Variants in PRKCZ observed in about 807,000 individuals in gnomAD.
PRKCZ encodes protein kinase C zeta.
Under a neutral mutation model 79.5 loss-of-function variants are expected in PRKCZ, and 33 were observed. The ratio of observed to expected loss-of-function variants is 0.41; its 90% CI spans 0.31 to 0.55. The LOEUF (loss-of-function observed/expected upper bound fraction) is 0.55. Among genes scored for constraint, PRKCZ ranks in the 20% least tolerant of loss-of-function variants. The pLI is 0.19. For missense variants in PRKCZ, 578 were observed against 813.5 expected, an observed-to-expected ratio of 0.71 and a Z score of 3.52; for synonymous variants, 342 against 320.9, an observed-to-expected ratio of 1.07 and a Z score of -0.70.
At chr1:2,138,869 G>A (rs1676754280) in intron 5 of PRKCZ, among the ~76,000 whole-genome samples, 1 of 152,186 alleles carries the variant, frequency 6.6e-6, no homozygotes, top group South Asian at 2.1e-4. Flanking sequence ...AGGAGGCGGG[G>A]GTTGCGGTGA....
intron 4 of PRKCZ, among the ~76,000 whole-genome samples, chr1:2,070,634 G>C (rs1035966870): frequency 2.0e-5 from 3 of 152,078 alleles, no homozygotes; most frequent in African/African-American, 7.2e-5. Context: ...CTCCCGGGCC[G>C]GTGGTCCTGG....
At position 2,124,357 on chromosome 1, in the gene PRKCZ, G is replaced by A. The variant is rs76696061; in HGVS notation, c.335-10905G>A. Reference sequence around the variant, plus strand: ...CGGTGGTGGTTAGGGTCACGGCGGTGGTTAGGGTCACGGCGGCGGTTAGGG... The same window carrying A: ...CGGTGGTGGTTAGGGTCACGGCGGTAGTTAGGGTCACGGCGGCGGTTAGGG... On this transcript the variant is annotated intron_variant, in intron 4 of 17. Coordinates refer to ENST00000378567, the MANE Select transcript of PRKCZ (RefSeq NM_002744.6). Among the ~76,000 whole-genome samples the A allele has an allele frequency of 1.5e-3, 24 of 16,202 alleles. 1 individual carries two copies. Among genetic ancestry groups the A allele is most frequent in the African/African-American group, 8.2e-3 (18 of 2,188 alleles). The allele number at this position is 16,202 out of a possible 152,430, so 10.6% of individuals were successfully genotyped here.
At position 2,177,532 on chromosome 1, in the gene PRKCZ, G is replaced by A. The variant is rs906666888; in HGVS notation, c.1575+2219G>A. 6.6e-6 allele frequency among the ~76,000 whole-genome samples: 1 copy of A among 152,196 alleles called. No homozygotes were observed. Among genetic ancestry groups the A allele is most frequent in the African/African-American group, 2.4e-5 (1 of 41,442 alleles). ...CAGATGAGGACAGATGGCTGCCTGT[G>A]GAGTGACGGGCTCCTTCTCTTCGGA... On this transcript the variant is annotated intron_variant, in intron 16 of 17. Transcript: ENST00000378567. The surrounding 1 kb of genome is among the most constrained non-coding windows in gnomAD (Gnocchi z 6.4).
chr1:2,058,061 GT>G (rs1212819922), intron 3 of PRKCZ, among the ~76,000 whole-genome samples: 1 of 152,180 alleles, frequency 6.6e-6, no homozygotes, highest in Non-Finnish European at 1.5e-5. Context: ...TAGAGACGGA[GT>G]TTCACCATGT....
At chr1:2,155,217 A>T (rs979009910) in intron 9 of PRKCZ, among the ~76,000 whole-genome samples, 2 of 151,296 alleles carry the variant, frequency 1.3e-5, no homozygotes, top group African/African-American at 4.9e-5. Context: ...GGCGGTGATG[A>T]TGGTGATGGC....
chr1:2,098,889 G>T (rs1334939845), intron 4 of PRKCZ, among the ~76,000 whole-genome samples: 5 of 152,126 alleles, frequency 3.3e-5, no homozygotes, highest in African/African-American at 1.2e-4. Context: ...CACCATGTTA[G>T]CCAGGATGGT....
intron 4 of PRKCZ, among the ~76,000 whole-genome samples, chr1:2,081,170 G>T (rs1571225398): frequency 6.6e-6 from 1 of 152,254 alleles, no homozygotes; most frequent in South Asian, 2.1e-4. Context: ...GGACTTGTAC[G>T]TCTGTTCTCC....
intron 16 of PRKCZ, chr1:2,182,764 G>A (rs1183567330): frequency 6.5e-6 from 1 of 154,622 alleles, no homozygotes; most frequent in Non-Finnish European, 1.5e-5. Flanking sequence ...CTGGATTTCA[G>A]TGTTGGTACA....
chr1:2,175,101 C>T, intron 15 of PRKCZ, 123 bp from the exon 16 acceptor site: 1 of 843,640 alleles, frequency 1.2e-6, no homozygotes, highest in Admixed American at 2.5e-5. Context: ...CATCTGATTT[C>T]CACCACCTGG....
At position 2,125,918 on chromosome 1, in the gene PRKCZ, G is replaced by A. The variant is rs1405219784; in HGVS notation, c.335-9344G>A. 1.3e-5 allele frequency among the ~76,000 whole-genome samples: 2 copies of A among 152,202 alleles called. No individual in the cohort carries two copies. The highest frequency in any genetic ancestry group is 2.4e-5 in the African/African-American group (1 of 41,460). Reference sequence around the variant, plus strand: ...ACTTCCCTTCCTTTCCATGGAGCACGGTTCCTGTCCCGGGGGTCCATATTG... The same window carrying A: ...ACTTCCCTTCCTTTCCATGGAGCACAGTTCCTGTCCCGGGGGTCCATATTG... On this transcript the variant is annotated intron_variant, in intron 4 of 17. Transcript: ENST00000378567. The surrounding 1 kb of genome is among the most constrained non-coding windows in gnomAD (Gnocchi z 4.2).
chr1:2,169,470 C>T (rs1372613130), intron 10 of PRKCZ, 48 bp from the exon 11 acceptor site: 8 of 1,501,778 alleles, frequency 5.3e-6, no homozygotes, highest in Middle Eastern at 1.7e-4. Context: ...CTAAGGAGGC[C>T]GCCGTCTGCC....
intron 4 of PRKCZ, among the ~76,000 whole-genome samples, chr1:2,079,670 G>T (rs1215081011): frequency 6.6e-6 from 1 of 152,244 alleles, no homozygotes; most frequent in Non-Finnish European, 1.5e-5. Flanking sequence ...GCGGCACATG[G>T]TGGGAGCATG....
In PRKCZ at chr1:2,062,398, C is replaced by T. The variant is rs564144798; in HGVS notation, c.334+2807C>T. Among the ~76,000 whole-genome samples, 155 of 152,032 alleles carry T rather than the reference C, an allele frequency of 1.0e-3. 1 individual carries two copies. The highest frequency in any genetic ancestry group is 3.5e-3 in the African/African-American group (145 of 41,492). ...TCACCCGCCTGACCTTTCCAAGGTT[C>T]ATCCATGATGGGGCATTCTTGGCGC... On this transcript the variant is annotated intron_variant, in intron 4 of 17. Coordinates refer to ENST00000378567, the MANE Select transcript of PRKCZ (RefSeq NM_002744.6).
intron 7 of PRKCZ, among the ~76,000 whole-genome samples, chr1:2,146,800 C>T (rs905908051): frequency 6.6e-6 from 1 of 152,128 alleles, no homozygotes; most frequent in Non-Finnish European, 1.5e-5. Context: ...CAGTGCCTCA[C>T]GCAAAAGAGA....
intron 4 of PRKCZ, among the ~76,000 whole-genome samples, chr1:2,090,332 C>T (rs2459991): frequency 0.44 from 66,157 of 152,004 alleles, 16,255 homozygotes; most frequent in East Asian, 0.75. Context: ...CCAGCCCTCC[C>T]GCAGAAGGGG....
At chr1:2,107,490 C>T (rs1042496646) in intron 4 of PRKCZ, among the ~76,000 whole-genome samples, 15 of 152,186 alleles carry the variant, frequency 9.9e-5, no homozygotes, top group South Asian at 6.2e-4. Context: ...GATGGAGCTG[C>T]GGTGGGAAAA....
intron 4 of PRKCZ, among the ~76,000 whole-genome samples, chr1:2,069,149 C>A (rs1391816345): frequency 6.6e-6 from 1 of 152,224 alleles, no homozygotes; most frequent in Non-Finnish European, 1.5e-5. Flanking sequence ...AATGCGACCC[C>A]CGGCACCTCC....
intron 7 of PRKCZ, 88 bp from the exon 8 acceptor site, chr1:2,148,784 C>A: frequency 7.5e-7 from 1 of 1,342,010 alleles, no homozygotes; most frequent in Non-Finnish European, 1.1e-6. Context: ...CGTCACCCTG[C>A]AGAGGAGCAA....
intron 4 of PRKCZ, among the ~76,000 whole-genome samples, chr1:2,090,466 G>A (rs935502826): frequency 2.3e-4 from 35 of 151,444 alleles, no homozygotes; most frequent in Admixed American, 1.9e-3. Context: ...GGTGCTGGCC[G>A]TCTCACCACT....
Sources: gnomAD v4.1 joint callset for allele counts (sites outside exome capture counted in the v4.1 genomes callset) on GRCh38, gnomAD v4.1.1 for gene constraint, Gnocchi (gnomAD v3.1) non-coding constraint, MANE v1.5 for transcripts, NCBI Gene and HGNC (gene_info 2026-07-23, HGNC 2026-07-21) for gene names.